The following STARD13 variants were observed in gnomAD, a reference collection of about 807,000 sequenced individuals.
The protein encoded by STARD13 is StAR related lipid transfer domain containing 13.
In STARD13, 62 loss-of-function variants were observed where a neutral mutation model predicts 106.4. The observed-to-expected ratio is 0.58, with a 90% CI of 0.48 to 0.72. The LOEUF is 0.72. Among genes scored for constraint, STARD13 ranks in the 30% least tolerant of loss-of-function variants. STARD13 has a pLI of 0.00. For synonymous variants in STARD13, 565 were observed against 553.0 expected (o/e 1.02, Z -0.31); for missense variants, 1,387 against 1,424.0 (o/e 0.97, Z 0.42).
At chr13:33,203,870 A>G (rs76656422) in intron 1 of STARD13, among the ~76,000 whole-genome samples, 3,165 of 152,360 alleles carry the variant, frequency 0.021, 59 homozygotes, top group Non-Finnish European at 0.035. Flanking sequence ...CATTAATGGC[A>G]TACGTACCAA....
At chr13:33,222,451 TTTATG>T (rs142119179) in intron 1 of STARD13, among the ~76,000 whole-genome samples, 2,986 of 152,340 alleles carry the variant, frequency 0.02, 42 homozygotes, top group South Asian at 0.041. Flanking sequence ...GATGGCAAAC[TTTATG>T]TTATGTGTAT....
At chr13:33,353,289 A>G (rs1245370323), upstream of STARD13, among the ~76,000 whole-genome samples, 2 of 152,116 alleles carry the variant, frequency 1.3e-5, no homozygotes, top group Admixed American at 6.5e-5. Flanking sequence ...TCCCTTCCTC[A>G]ATGAACGTGA....
chr13:33,268,447 C>T (rs1243213964), intron 1 of STARD13, among the ~76,000 whole-genome samples: 1 of 152,198 alleles, frequency 6.6e-6, no homozygotes, highest in Non-Finnish European at 1.5e-5. Flanking sequence ...TTTAAAGTAA[C>T]ACACACTGAG....
At chr13:33,589,864 C>G in the STARD13 span, among the ~76,000 whole-genome samples, 1 of 152,144 alleles carries the variant, frequency 6.6e-6, no homozygotes, top group Non-Finnish European at 1.5e-5. Context: ...TTTCAACTTT[C>G]TGTCTCGTTG....
At chr13:33,576,024 T>A in the STARD13 span, among the ~76,000 whole-genome samples, 2 of 152,128 alleles carry the variant, frequency 1.3e-5, no homozygotes, top group African/African-American at 4.8e-5. Flanking sequence ...AGATGACACA[T>A]CTTTTTCAAT....
At chr13:33,503,597 G>A in the STARD13 span, among the ~76,000 whole-genome samples, 284 of 152,228 alleles carry the variant, frequency 1.9e-3, no homozygotes, top group African/African-American at 6.6e-3. Flanking sequence ...GTTCTCATTG[G>A]TTTCAAAGAA....
chr13:33,240,652 T>G (rs1011086110), intron 1 of STARD13, among the ~76,000 whole-genome samples: 3 of 151,944 alleles, frequency 2.0e-5, no homozygotes, highest in African/African-American at 7.2e-5. Flanking sequence ...AGTTTATCCT[T>G]AAGTATTTTA....
At chr13:33,185,005 T>C (rs1250983177) in intron 1 of STARD13, among the ~76,000 whole-genome samples, 2 of 152,254 alleles carry the variant, frequency 1.3e-5, no homozygotes, top group African/African-American at 4.8e-5. Context: ...GAAAATGCAC[T>C]GTCCTGTAGC....
intron 1 of STARD13, among the ~76,000 whole-genome samples, chr13:33,172,601 C>T (rs949290681): frequency 8.5e-5 from 13 of 152,138 alleles, no homozygotes; most frequent in African/African-American, 2.2e-4. Flanking sequence ...GTGTGTCTAG[C>T]GTGCTTCTAG....
the STARD13 span, among the ~76,000 whole-genome samples, chr13:33,395,288 G>GT: frequency 1.3e-5 from 2 of 152,108 alleles, no homozygotes; most frequent in African/African-American, 4.8e-5. Context: ...TTATAGTAGT[G>GT]TTTTGTTAAC....
At chr13:33,268,897 C>T (rs928250850) in intron 1 of STARD13, among the ~76,000 whole-genome samples, 1 of 152,214 alleles carries the variant, frequency 6.6e-6, no homozygotes, top group Non-Finnish European at 1.5e-5. Flanking sequence ...GAAATGTGTT[C>T]TGCTAAACCA....
intron 1 of STARD13, among the ~76,000 whole-genome samples, chr13:33,206,985 C>A (rs1326805457): frequency 1.3e-5 from 2 of 152,096 alleles, no homozygotes; most frequent in Admixed American, 1.3e-4. Context: ...CAGATGACAG[C>A]AGATCAAATG....
At chr13:33,400,706 G>T in the STARD13 span, among the ~76,000 whole-genome samples, 6 of 151,972 alleles carry the variant, frequency 3.9e-5, no homozygotes, top group Non-Finnish European at 8.8e-5. Context: ...GTCGTGATCC[G>T]CCCGCCTTGG....
intron 1 of STARD13, among the ~76,000 whole-genome samples, chr13:33,267,430 T>A (rs1046554097): frequency 6.6e-6 from 1 of 152,110 alleles, no homozygotes; most frequent in Non-Finnish European, 1.5e-5. Flanking sequence ...AACTGAAACC[T>A]TCCATTGTGC....
chr13:33,355,806 A>G, the STARD13 span: 2 of 152,198 alleles, frequency 1.3e-5, no homozygotes, highest in Non-Finnish European at 2.9e-5. Flanking sequence ...TGATTGGTCT[A>G]TCTGTGTGTC....
chr13:33,374,321 T>G, the STARD13 span, among the ~76,000 whole-genome samples: 1 of 152,152 alleles, frequency 6.6e-6, no homozygotes, highest in Non-Finnish European at 1.5e-5. Context: ...CAAGTTTTAG[T>G]CTGGGATAAT....
Position 33,109,985 on chromosome 13 carries a change from C to G in STARD13, c.2935G>C (p.Glu979Gln). 6.2e-7 allele frequency: 1 copy of G among 1,614,238 alleles called. No homozygotes were observed. Among genetic ancestry groups the G allele is most frequent in the Non-Finnish European group, 8.5e-7 (1 of 1,180,040 alleles). Reference sequence around the variant, plus strand: ...ACAACCTTCCACTGCACAAAGTCCTCGTCCCACAGGTGGCGCTCTCTCAGC... The same window carrying G: ...ACAACCTTCCACTGCACAAAGTCCTGGTCCCACAGGTGGCGCTCTCTCAGC... ...RVLRERHLWD[E>Q]DFVQWKVVET... The change falls in exon 12 of 14, where the codon GAG (glutamate) becomes CAG (glutamine). Residue 979 changes from glutamate (E) to glutamine (Q), a missense_variant. Transcript: ENST00000336934.
chr13:33,130,314 C>T lies in STARD13; in HGVS notation c.388-25G>A, dbSNP rs1239314177. The T allele has an allele frequency of 1.3e-6, 2 of 1,586,726 alleles. No individual in the cohort carries two copies. Among genetic ancestry groups the T allele is most frequent in the African/African-American group, 1.3e-5 (1 of 74,722 alleles). On this transcript the variant is annotated intron_variant, in intron 4 of 13. Coordinates refer to ENST00000336934, the MANE Select transcript of STARD13 (RefSeq NM_178006.4). This position sits in a 1 kb window ranked among gnomAD's most constrained non-coding sequence, Gnocchi z 4.1. The stretch of plus-strand genomic sequence containing the variant: ...CCTGCAGAGCACCAAGGAAAATGCT[C>T]ATTAGCAGACAGCGTGGCTGAAGCA...
chr13:33,357,870 A>G, the STARD13 span, among the ~76,000 whole-genome samples: 1 of 152,128 alleles, frequency 6.6e-6, no homozygotes, highest in Non-Finnish European at 1.5e-5. Flanking sequence ...CTGGGCTCTC[A>G]CTTTGGTGGC....
Sources: gnomAD v4.1 joint callset for allele counts (sites outside exome capture counted in the v4.1 genomes callset) on GRCh38, gnomAD v4.1.1 for gene constraint, Gnocchi (gnomAD v3.1) non-coding constraint, MANE v1.5 for transcripts, NCBI Gene and HGNC (gene_info 2026-07-23, HGNC 2026-07-21) for gene names.